Variants in EPHA5 observed in about 807,000 individuals in gnomAD.
EPHA5 encodes ephrin type-A receptor 5.
A neutral mutation model predicts 105.0 loss-of-function variants in EPHA5; 60 were observed. That is an observed-to-expected ratio of 0.57 (90% confidence interval 0.46 to 0.71). The LOEUF (loss-of-function observed/expected upper bound fraction) is 0.71. EPHA5 is among the 30% of genes least tolerant of loss of function. The pLI, the probability that EPHA5 is intolerant of heterozygous loss-of-function variation, is 0.00. For missense variants in EPHA5, 1,218 were observed against 1,274.7 expected (o/e 0.96, Z 0.68); for synonymous variants, 513 against 449.1 (o/e 1.14, Z -1.80).
At chr4:65,432,680 G>T (rs1445279245) in intron 5 of EPHA5, among the ~76,000 whole-genome samples, 1 of 151,964 alleles carries the variant, frequency 6.6e-6, no homozygotes, top group East Asian at 1.9e-4. Context: ...AGATCTTCCC[G>T]CCTCAGTCTC....
chr4:65,659,945 G>A (rs929144969), intron 1 of EPHA5, among the ~76,000 whole-genome samples: 2 of 151,944 alleles, frequency 1.3e-5, no homozygotes, highest in South Asian at 2.1e-4. Context: ...TAGAGGTGTC[G>A]ACTTACAATA....
chr4:65,669,601 C>T lies in EPHA5; in HGVS notation c.142G>A (p.Ala48Thr), dbSNP rs2149570934. The T allele has an allele frequency of 3.5e-6, 5 of 1,434,298 alleles. No homozygotes were observed. The highest frequency in any genetic ancestry group is 4.6e-6 in the Non-Finnish European group (5 of 1,088,376). The allele number at this position is 1,434,298 out of a possible 1,614,324, so 88.8% of individuals were successfully genotyped here. A position where few individuals can be genotyped will look rare whatever the true frequency, so the allele number is the denominator to read the frequency against. ...APLWTCLLLC[A>T]ALRTLLASPS... is the part of the protein sequence containing the mutation. ...CTGGCCAGGAGGGTCCGGAGTGCGG[C>T]GCACAGGAGAAGGCACGTCCAGAGG... The change falls in exon 1 of 17, where the codon GCC becomes ACC. Residue 48 changes from alanine (A) to threonine (T), a missense_variant. Physicochemically the swap from Ala to Thr is moderately conservative, Grantham distance 58 (BLOSUM62 0). Coordinates refer to ENST00000613740, the MANE Select transcript of EPHA5 (RefSeq NM_001281766.3).
At chr4:65,495,292 AGGGGGAAATGT>A in intron 4 of EPHA5, 85 bp downstream of exon 4, 1 of 1,278,098 alleles carries the variant, frequency 7.8e-7, no homozygotes, top group Non-Finnish European at 1.1e-6. Flanking sequence ...TGTCTGTTTT[AGGGGGAAATGT>A]TACTAGACTA....
intron 1 of EPHA5, among the ~76,000 whole-genome samples, chr4:65,649,608 A>C (rs1748416655): frequency 6.6e-6 from 1 of 152,214 alleles, no homozygotes; most frequent in African/African-American, 2.4e-5. Context: ...TGTCCTTTTC[A>C]TAACTCAAAT....
In EPHA5 at chr4:65,376,980, G is replaced by A. The variant is rs780740196; in HGVS notation, c.1794-9556C>T. ...AGGTGGACATCACATAGGAGTGAAA[G>A]TGGGAGGGAACACTAACCATATTAG... On this transcript the variant is annotated intron_variant, in intron 8 of 16. Transcript: ENST00000613740. 8.8e-6 allele frequency: 14 copies of A among 1,596,292 alleles called. No individual in the cohort carries two copies. In the South Asian group the frequency reaches 1.4e-4, roughly 15 times the overall value.
chr4:65,420,401 A>G, intron 6 of EPHA5, 40 bp downstream of exon 6: 11 of 1,523,642 alleles, frequency 7.2e-6, no homozygotes, highest in Non-Finnish European at 9.7e-6. Context: ...AAATGAAAAA[A>G]AAAAGAAAGT....
intron 8 of EPHA5, chr4:65,376,984 G>T: frequency 6.3e-7 from 1 of 1,598,580 alleles, no homozygotes; most frequent in Non-Finnish European, 8.5e-7. Context: ...GTGAAAGTGG[G>T]AGGGAACACT....
At chr4:65,473,886 T>TTC (rs1491401968) in intron 5 of EPHA5, among the ~76,000 whole-genome samples, 1 of 788 alleles carries the variant, frequency 1.3e-3, no homozygotes, top group Admixed American at 0.029. Context: ...TTGTAAGGGC[T>TTC]TTTTTTTTTT....
chr4:65,628,919 T>C (rs1260004143), intron 2 of EPHA5, among the ~76,000 whole-genome samples: 1 of 152,148 alleles, frequency 6.6e-6, no homozygotes, highest in Non-Finnish European at 1.5e-5. Flanking sequence ...TGTCCTGTCC[T>C]GATATATATA....
rs185827962 is a variant in EPHA5 at position 65,399,295 on chromosome 4, C to T, written c.1793+5079G>A. Among the ~76,000 whole-genome samples the T allele has an allele frequency of 6.6e-5, 10 of 152,338 alleles. No individual in the cohort carries two copies. In the East Asian group the frequency reaches 1.2e-3, roughly 18 times the overall value. On this transcript the variant is annotated intron_variant, in intron 8 of 16. Transcript: ENST00000613740. The stretch of plus-strand genomic sequence containing the variant: ...CCACCCCTCCACAGCAGGAAGCGTG[C>T]CAGGCTGTGTGCTCAGTGGCCAGAC...
intron 3 of EPHA5, among the ~76,000 whole-genome samples, chr4:65,525,590 A>G (rs1045587327): frequency 1.3e-5 from 2 of 151,906 alleles, no homozygotes; most frequent in Non-Finnish European, 2.9e-5. Context: ...CTAGACTCAA[A>G]AGAGCAGTGA....
chr4:65,330,854 G>A (rs2148794812), intron 16 of EPHA5: 1 of 1,034,308 alleles, frequency 9.7e-7, no homozygotes, highest in Admixed American at 5.7e-5. Context: ...ATGAGATTCA[G>A]TAAATTTAGA....
At chr4:65,552,718 A>T (rs1250774146) in intron 3 of EPHA5, among the ~76,000 whole-genome samples, 1 of 152,154 alleles carries the variant, frequency 6.6e-6, no homozygotes, top group Non-Finnish European at 1.5e-5. Flanking sequence ...AAAAAATATC[A>T]ATCATGTTCA....
chr4:65,608,421 A>G (rs781719931), intron 2 of EPHA5, among the ~76,000 whole-genome samples: 2 of 151,878 alleles, frequency 1.3e-5, no homozygotes, highest in South Asian at 2.1e-4. Context: ...GGAGAATGGC[A>G]TGAACCCATG....
intron 5 of EPHA5, among the ~76,000 whole-genome samples, chr4:65,446,042 A>T (rs1726489087): frequency 6.6e-6 from 1 of 152,134 alleles, no homozygotes; most frequent in Non-Finnish European, 1.5e-5. Context: ...CCACATAGCT[A>T]TTAGCTACAT....
chr4:65,644,921 C>G (rs1000388961), intron 1 of EPHA5, among the ~76,000 whole-genome samples: 8 of 151,888 alleles, frequency 5.3e-5, no homozygotes, highest in African/African-American at 1.9e-4. Flanking sequence ...ATTAACTATA[C>G]AAATGCATGC....
intron 3 of EPHA5, among the ~76,000 whole-genome samples, chr4:65,513,918 TG>T (rs1733865497): frequency 6.6e-6 from 1 of 152,206 alleles, no homozygotes; most frequent in Non-Finnish European, 1.5e-5. Context: ...TACAGTCCTT[TG>T]TTTTTGAATC....
At chr4:65,668,459 G>A (rs558382422) in intron 1 of EPHA5, among the ~76,000 whole-genome samples, 1 of 152,304 alleles carries the variant, frequency 6.6e-6, no homozygotes, top group East Asian at 1.9e-4. Flanking sequence ...TCATGGTGGA[G>A]CTGACAGATC....
chr4:65,559,721 G>C (rs1295193375), intron 3 of EPHA5, among the ~76,000 whole-genome samples: 1 of 152,070 alleles, frequency 6.6e-6, no homozygotes, highest in African/African-American at 2.4e-5. Context: ...AGGGCTTCTA[G>C]AAAATAAAAA....
Sources: gnomAD v4.1 joint callset for allele counts (sites outside exome capture counted in the v4.1 genomes callset) on GRCh38, gnomAD v4.1.1 for gene constraint, MANE v1.5 for transcripts, NCBI Gene and HGNC (gene_info 2026-07-23, HGNC 2026-07-21) for gene names.